Variants in HEATR6 observed in about 807,000 individuals in gnomAD.
HEATR6 encodes HEAT repeat-containing protein 6.
HEATR6 carries 106 observed loss-of-function variants against 132.8 expected under a neutral mutation model. The observed-to-expected ratio is 0.80, with a 90% CI of 0.68 to 0.94. The LOEUF (loss-of-function observed/expected upper bound fraction) is 0.94, where lower values mean the gene tolerates loss of function less well. Among genes scored for constraint, HEATR6 ranks in the 40% least tolerant of loss-of-function variants. The probability of loss-of-function intolerance (pLI) is 0.00; values close to 1 mark genes in which losing one functional copy is unlikely to be tolerated. For missense variants in HEATR6, 1,339 were observed against 1,425.1 expected (o/e 0.94, Z 0.97); for synonymous variants, 529 against 537.8 (o/e 0.98, Z 0.23).
Position 60,048,382 on chromosome 17 carries a change from T to C in HEATR6, c.2554A>G (p.Ile852Val), listed in dbSNP as rs374468551. The C allele has an allele frequency of 3.1e-6, 5 of 1,611,592 alleles. No homozygotes were observed. The highest frequency in any genetic ancestry group is 1.7e-5 in the Admixed American group (1 of 59,890). The stretch of plus-strand genomic sequence containing the variant: ...GCATTTGCTGCGTCTGCAACAAATA[T>C]GACATCCTGTAACACAAAACAAAAC... The part of the protein sequence containing the change: ...VLFPCLRQDV[I>V]FVADAANAIL... Residue 852 changes from isoleucine to valine, a missense_variant, in exon 17 of 20, where the codon ATA becomes GTA. Transcript: ENST00000184956.
Position 60,041,482 on chromosome 17 carries a change from T to C in HEATR6, c.*2081A>G, listed in dbSNP as rs2145174121. 6.6e-6 allele frequency among the ~76,000 whole-genome samples: 1 copy of C among 152,196 alleles called. No homozygotes were observed. The highest frequency in any genetic ancestry group is 6.5e-5 in the Admixed American group (1 of 15,284). On this transcript the variant is annotated 3_prime_UTR_variant, in exon 20 of 20. Coordinates refer to ENST00000184956, the MANE Select transcript of HEATR6 (RefSeq NM_022070.5). ...TTTGAAAATGCCAAGAAGCTACTAC[T>C]AAGAATGTATTCAAGAGACGGAAGT...
intron 19 of HEATR6, among the ~76,000 whole-genome samples, chr17:60,044,445 C>T (rs1598902860): frequency 6.6e-6 from 1 of 152,070 alleles, no homozygotes; most frequent in Non-Finnish European, 1.5e-5. Context: ...GATTCTGTCC[C>T]GTTGGGGTAT....
chr17:60,061,215 C>CA (rs1450956293), intron 9 of HEATR6, among the ~76,000 whole-genome samples: 2 of 151,978 alleles, frequency 1.3e-5, no homozygotes, highest in Non-Finnish European at 2.9e-5. Context: ...GAGTTTGGAG[C>CA]AAAAAAGGTT....
chr17:60,057,251 A>T lies in HEATR6; in HGVS notation c.1876T>A (p.Trp626Arg), dbSNP rs139897992. 20 of 1,613,962 alleles carry T rather than the reference A, an allele frequency of 1.2e-5. No homozygotes were observed. The African/African-American group carries it at 2.7e-4, about 22-fold the overall frequency. Residue 626 changes from tryptophan to arginine, a missense_variant, in exon 12 of 20, where the codon TGG (tryptophan) becomes AGG (arginine). By Grantham distance (101) the Trp-to-Arg change is moderately radical. Transcript: ENST00000184956. Reference sequence around the variant, plus strand: ...GGTCCTGCAGGGGCTTTCTTCCACCAATCAGGAGGGCTGAGGTGAGGGGTT... The same window carrying T: ...GGTCCTGCAGGGGCTTTCTTCCACCTATCAGGAGGGCTGAGGTGAGGGGTT... ...SATPHLSPPD[W>R]WKKAPAGPSL... is the part of the protein sequence containing the mutation.
At chr17:60,073,569 C>T (rs149422792) in intron 3 of HEATR6, among the ~76,000 whole-genome samples, 177 bp downstream of exon 3, 75 of 152,242 alleles carry the variant, frequency 4.9e-4, no homozygotes, top group African/African-American at 1.8e-3. Context: ...ATGAACTTGA[C>T]ACGTATTGTC....
In HEATR6 at chr17:60,046,139, C is replaced by G; in HGVS notation, c.2860G>C (p.Glu954Gln). 1 of 1,613,912 alleles carries G rather than the reference C, an allele frequency of 6.2e-7. No individual in the cohort carries two copies. Among genetic ancestry groups the G allele is most frequent in the Non-Finnish European group, 8.5e-7 (1 of 1,179,852 alleles). The change falls in exon 19 of 20, where the codon GAG (glutamate) becomes CAG (glutamine). Residue 954 changes from glutamate to glutamine, a missense_variant. By Grantham distance (29) the Glu-to-Gln change is conservative. Transcript: ENST00000184956. ...IEKPTFAEII[E>Q]ESIQALISTV... The stretch of plus-strand genomic sequence containing the variant: ...GAAATTAGGGCCTGGATAGACTCCT[C>G]AATGATTTCTGCAAATGTGGGTTTT...
In HEATR6 at chr17:60,043,629, C is replaced by G; in HGVS notation, c.3480G>C (p.Glu1160Asp). 6.2e-7 allele frequency: 1 copy of G among 1,614,136 alleles called. No homozygotes were observed. Among genetic ancestry groups the G allele is most frequent in the Non-Finnish European group, 8.5e-7 (1 of 1,180,038 alleles). Reference sequence around the variant, plus strand: ...ATGAGTCAAAACAAACGGCCAGGATCTCTTCTAAAAAGCCCATGATGGCCC... The same window carrying G: ...ATGAGTCAAAACAAACGGCCAGGATGTCTTCTAAAAAGCCCATGATGGCCC... Reference protein sequence around the residue: ...ARRAIMGFLEEILAVCFDSSG... With the variant: ...ARRAIMGFLEDILAVCFDSSG... The change falls in exon 20 of 20, where the codon GAG (glutamate) becomes GAC (aspartate). Residue 1160 changes from glutamate (E) to aspartate (D), a missense_variant. Transcript: ENST00000184956.
Position 60,078,695 on chromosome 17 carries a change from C to G in HEATR6, c.219+1G>C. 1 of 1,539,164 alleles carries G rather than the reference C, an allele frequency of 6.5e-7. No individual in the cohort carries two copies. The highest frequency in any genetic ancestry group is 2.0e-5 in the Admixed American group (1 of 50,778). The stretch of plus-strand genomic sequence containing the variant: ...CGGGGCCAGCAGGGCGCGCCGCCTA[C>G]CTCCGGGGCCACGCCACTGCCCTCG... On this transcript the variant is annotated splice_donor_variant, in intron 1 of 19. Transcript: ENST00000184956. LOFTEE classifies it high-confidence loss of function.
chr17:60,044,390 A>G (rs1230910767), intron 19 of HEATR6, among the ~76,000 whole-genome samples: 1 of 152,110 alleles, frequency 6.6e-6, no homozygotes, highest in Non-Finnish European at 1.5e-5. Flanking sequence ...CTGCTACCCA[A>G]TATAAAGCCT....
intron 9 of HEATR6, among the ~76,000 whole-genome samples, chr17:60,065,088 G>T (rs1357351931): frequency 6.6e-6 from 1 of 151,996 alleles, no homozygotes; most frequent in Non-Finnish European, 1.5e-5. Context: ...CTTCATTACT[G>T]ATTTATTTGC....
intron 14 of HEATR6, among the ~76,000 whole-genome samples, chr17:60,053,228 T>C (rs1906641270): frequency 6.6e-6 from 1 of 152,222 alleles, no homozygotes; most frequent in Admixed American, 6.5e-5. Flanking sequence ...TCTCTCGCCA[T>C]GTGACACACC....
At position 60,073,836 on chromosome 17, in the gene HEATR6, C is replaced by T. The variant is rs142304882; in HGVS notation, c.378G>A (p.Ser126=). ...HLDFLLAYTI[S]AIHQCSSWTH... ...TCCAGGAACTACACTGATGAATAGC[C>T]GAAATAGTATATGCCAACAGGAAAT... The change falls in exon 3 of 20, where the codon TCG becomes TCA. Residue 126 remains serine, a synonymous_variant. Transcript: ENST00000184956. 171 of 1,613,704 alleles carry T rather than the reference C, an allele frequency of 1.1e-4. No homozygotes were observed. Among genetic ancestry groups the T allele is most frequent in the Non-Finnish European group, 1.4e-4 (165 of 1,179,802 alleles).
intron 14 of HEATR6, among the ~76,000 whole-genome samples, chr17:60,054,345 G>C (rs1906674378): frequency 6.6e-6 from 1 of 152,236 alleles, no homozygotes; most frequent in South Asian, 2.1e-4. Context: ...GCAGAAGCCT[G>C]CCACAGGGAC....
At position 60,059,519 on chromosome 17, in the gene HEATR6, G is replaced by T; in HGVS notation, c.1626C>A (p.Cys542Ter). 6.2e-7 allele frequency: 1 copy of T among 1,607,616 alleles called. No homozygotes were observed. The change falls in exon 11 of 20, where the codon TGC becomes TGA. Residue 542 changes from cysteine to a stop codon, truncating the protein, a stop_gained and splice_region_variant. Transcript: ENST00000184956. LOFTEE classifies it high-confidence loss of function. Reference protein sequence around the residue: ...SSQTVTQIIKCLANLVSNAPY... With the variant: ...SSQTVTQIIK ...GTGCATTTGATACTAAATTTGCAAGGCACTGTAAAACACAAAAAGTAGCTC... is the reference window on the plus strand; with the variant it reads ...GTGCATTTGATACTAAATTTGCAAGTCACTGTAAAACACAAAAAGTAGCTC...
chr17:60,043,608 G>A lies in HEATR6; in HGVS notation c.3501C>T (p.Asp1167=), dbSNP rs779189940. 2 of 1,614,100 alleles carry A rather than the reference G, an allele frequency of 1.2e-6. No homozygotes were observed. Among genetic ancestry groups the A allele is most frequent in the East Asian group, 2.2e-5 (1 of 44,874 alleles). Reference sequence around the variant, plus strand: ...GGAGTGCCCCTTGTGATCCAGATGAGTCAAAACAAACGGCCAGGATCTCTT... The same window carrying A: ...GGAGTGCCCCTTGTGATCCAGATGAATCAAAACAAACGGCCAGGATCTCTT... ...FLEEILAVCF[D]SSGSQGALPG... Residue 1167 remains aspartate, a synonymous_variant, in exon 20 of 20, where the codon GAC becomes GAT. Coordinates refer to ENST00000184956, the MANE Select transcript of HEATR6 (RefSeq NM_022070.5).
Position 60,060,110 on chromosome 17 carries a change from ATGATTCACAT to A in HEATR6, c.1417-24_1417-15del. On this transcript the variant is annotated splice_polypyrimidine_tract_variant and intron_variant, in intron 9 of 19. Transcript: ENST00000184956. ...ACAGGCACGTGTCTGAAATTTCGGG[ATGATTCACAT>A]TGATTAGTTGAAAATTAGGAGTCAG... 1 of 1,593,636 alleles carries A rather than the reference ATGATTCACAT, an allele frequency of 6.3e-7. No individual in the cohort carries two copies. Among genetic ancestry groups the A allele is most frequent in the Non-Finnish European group, 8.6e-7 (1 of 1,161,848 alleles).
chr17:60,055,744 T>G (rs1598909528), intron 13 of HEATR6, 143 bp from the exon 14 acceptor site: 1 of 573,524 alleles, frequency 1.7e-6, no homozygotes. Context: ...ACCTTCACTC[T>G]AGTAACACCT....
At chr17:60,078,575 A>G (rs963660509) in intron 1 of HEATR6, 121 bp downstream of exon 1, 36 of 766,928 alleles carry the variant, frequency 4.7e-5, no homozygotes, top group Admixed American at 4.3e-4. Flanking sequence ...GGGGCACGCC[A>G]TCCTGAAACT....
chr17:60,043,436 G>T lies in HEATR6; in HGVS notation c.*127C>A. On this transcript the variant is annotated 3_prime_UTR_variant, in exon 20 of 20. Transcript: ENST00000184956. ...GCCCTCTGTGAAAATTTAAATGGCT[G>T]CTAAGTCATTCTAAATAAATAGTGA... The T allele has an allele frequency of 2.4e-6, 2 of 840,388 alleles. No individual in the cohort carries two copies. Among genetic ancestry groups the T allele is most frequent in the Non-Finnish European group, 3.8e-6 (2 of 529,982 alleles). 52.1% of individuals were successfully genotyped at this position (840,388 alleles called of 1,614,324 possible).
Sources: allele counts gnomAD v4.1 joint callset (sites outside exome capture counted in the v4.1 genomes callset), GRCh38; gene constraint gnomAD v4.1.1; transcripts MANE v1.5; gene names NCBI Gene and HGNC (gene_info 2026-07-23, HGNC 2026-07-21).